Variants in CCNA1 observed in about 807,000 individuals in gnomAD.
The protein encoded by CCNA1 is cyclin A1, also known as cyclin-A1.
Under a neutral mutation model 54.1 loss-of-function variants are expected in CCNA1, and 23 were observed. The observed-to-expected ratio is 0.42, with a 90% CI of 0.31 to 0.60. The LOEUF (loss-of-function observed/expected upper bound fraction) is 0.60, where lower values mean the gene tolerates loss of function less well. Among genes scored for constraint, CCNA1 ranks in the 20% least tolerant of loss-of-function variants. The pLI is 0.14. For missense variants in CCNA1, 450 were observed against 556.7 expected, an observed-to-expected ratio of 0.81 and a Z score of 1.93; for synonymous variants, 208 against 213.9, an observed-to-expected ratio of 0.97 and a Z score of 0.24.
intron 2 of CCNA1, among the ~76,000 whole-genome samples, chr13:36,434,826 G>C (rs2055780259): frequency 9.0e-6 from 1 of 110,894 alleles, no homozygotes; most frequent in Non-Finnish European, 2.0e-5. Flanking sequence ...CATGAGAGGT[G>C]CCCCCCCCCC....
intron 2 of CCNA1, 152 bp downstream of exon 2, chr13:36,433,373 T>TCTTTCTTC (rs1566169392): frequency 1.5e-5 from 1 of 65,354 alleles, no homozygotes; most frequent in Non-Finnish European, 2.3e-5. Context: ...TGATTTATTT[T>TCTTTCTTC]CTTTCTTTCT....
At chr13:36,437,503 C>A (rs535366100) in intron 2 of CCNA1, 126 bp from the exon 3 acceptor site, 6 of 869,690 alleles carry the variant, frequency 6.9e-6, no homozygotes, top group South Asian at 3.8e-5. Context: ...AATTAAATTG[C>A]CGACATAGAT....
chr13:36,432,755 T>A (rs1232090533), intron 1 of CCNA1, 26 bp downstream of exon 1: 2 of 1,417,134 alleles, frequency 1.4e-6, no homozygotes, highest in South Asian at 1.2e-5. Flanking sequence ...TATCCCGACT[T>A]GGAGGCTTGT....
At chr13:36,436,345 G>A (rs1439375046) in intron 2 of CCNA1, among the ~76,000 whole-genome samples, 2 of 152,128 alleles carry the variant, frequency 1.3e-5, no homozygotes, top group Admixed American at 1.3e-4. Flanking sequence ...TGGCCTATAT[G>A]ACTGTCTCAC....
At chr13:36,438,956 A>G (rs2055843486) in intron 5 of CCNA1, 89 bp downstream of exon 5, 3 of 905,746 alleles carry the variant, frequency 3.3e-6, no homozygotes, top group Admixed American at 2.0e-5. Flanking sequence ...AAGAAATGCA[A>G]TGCTTGATAA....
chr13:36,433,014 G>A lies in CCNA1; in HGVS notation c.109-19G>A. The A allele has an allele frequency of 6.2e-7, 1 of 1,605,756 alleles. No homozygotes were observed. Among genetic ancestry groups the A allele is most frequent in the South Asian group, 1.1e-5 (1 of 89,786 alleles). The stretch of plus-strand genomic sequence containing the variant: ...ACGGAATCGACTAAACAGCTTGTCT[G>A]TTTCTCTTTCCCTGGTAGCAGCAGC... On this transcript the variant is annotated intron_variant, in intron 1 of 8. Coordinates refer to ENST00000255465, the MANE Select transcript of CCNA1 (RefSeq NM_003914.4).
chr13:36,432,778 C>T (rs1194944462), intron 1 of CCNA1, 49 bp downstream of exon 1: 1 of 1,246,644 alleles, frequency 8.0e-7, no homozygotes, highest in Admixed American at 1.9e-5. Context: ...GAATGTTTCT[C>T]TCCTTCCAGC....
chr13:36,432,739 G>GT lies in CCNA1; in HGVS notation c.108+13dup. 23 of 1,550,628 alleles carry GT rather than the reference G, an allele frequency of 1.5e-5. No homozygotes were observed. The highest frequency in any genetic ancestry group is 2.0e-5 in the Non-Finnish European group (22 of 1,123,914). Reference sequence around the variant, plus strand: ...AGATTTCGTCTTCCAGGTAACGTGGGTTTAGTATCCCGACTTGGAGGCTTG... The same window carrying GT: ...AGATTTCGTCTTCCAGGTAACGTGGGTTTTAGTATCCCGACTTGGAGGCTTG... On this transcript the variant is annotated intron_variant, in intron 1 of 8. Coordinates refer to ENST00000255465, the MANE Select transcript of CCNA1 (RefSeq NM_003914.4).
Position 36,441,238 on chromosome 13 carries a change from T to C in CCNA1, c.1212+7T>C. 1 of 1,520,238 alleles carries C rather than the reference T, an allele frequency of 6.6e-7. No individual in the cohort carries two copies. The highest frequency in any genetic ancestry group is 9.1e-7 in the Non-Finnish European group (1 of 1,095,368). The allele number at this position is 1,520,238 out of a possible 1,614,324, so 94.2% of individuals were successfully genotyped here. A position where few individuals can be genotyped will look rare whatever the true frequency, so the allele number is the denominator to read the frequency against. ...TGTGAACAAGCACTTTTGGGTAAGA[T>C]TCTAACTTCTTTCTAGATGAAATTC... is the stretch of plus-strand genomic sequence containing the variant. On this transcript the variant is annotated splice_region_variant and intron_variant, in intron 7 of 8. Transcript: ENST00000255465.
rs1441198707 is a variant in CCNA1 at position 36,438,167 on chromosome 13, T to G, written c.645T>G (p.Ile215Met). ...ATGTGACTGAATATGCTGAAGAAAT[T>G]TATCAGTACCTTAGGGAAGCTGAAG... Residue 215 changes from isoleucine (I) to methionine (M), a missense_variant, in exon 4 of 9, where the codon ATT becomes ATG. By Grantham distance (10) the Ile-to-Met change is conservative (BLOSUM62 1). Transcript: ENST00000255465. 5.0e-6 allele frequency: 8 copies of G among 1,613,740 alleles called. No homozygotes were observed. The highest frequency in any genetic ancestry group is 4.5e-5 in the East Asian group (2 of 44,862).
rs1017224901 is a variant in CCNA1 at position 36,432,913 on chromosome 13, T to C, written c.109-120T>C. On this transcript the variant is annotated intron_variant, in intron 1 of 8. Transcript: ENST00000255465. Reference sequence around the variant, plus strand: ...TCAGCCCCAATAATTACTGGGAAGATCAGCAATTGGTGTTAGTCCCATTGC... The same window carrying C: ...TCAGCCCCAATAATTACTGGGAAGACCAGCAATTGGTGTTAGTCCCATTGC... The C allele has an allele frequency of 2.6e-5, 27 of 1,032,510 alleles. No homozygotes were observed. The Admixed American group carries it at 4.7e-4, about 18-fold the overall frequency. The allele number at this position is 1,032,510 out of a possible 1,614,324, so 64.0% of individuals were successfully genotyped here. A position where few individuals can be genotyped will look rare whatever the true frequency, so the allele number is the denominator to read the frequency against.
At chr13:36,440,651 A>G (rs2055864569) in intron 6 of CCNA1, among the ~76,000 whole-genome samples, 1 of 152,198 alleles carries the variant, frequency 6.6e-6, no homozygotes, top group South Asian at 2.1e-4. Flanking sequence ...GATATCTGGT[A>G]TTTATGTGCT....
intron 5 of CCNA1, among the ~76,000 whole-genome samples, chr13:36,439,199 G>C (rs2055845789): frequency 6.6e-6 from 1 of 152,148 alleles, no homozygotes; most frequent in African/African-American, 2.4e-5. Context: ...AAGACAGTGT[G>C]GTTACAAAAA....
intron 2 of CCNA1, 62 bp from the exon 3 acceptor site, chr13:36,437,567 G>A: frequency 6.5e-7 from 1 of 1,548,448 alleles, no homozygotes; most frequent in East Asian, 2.2e-5. Context: ...GAGTCATGCA[G>A]GTTCACATTG....
intron 8 of CCNA1, 43 bp downstream of exon 8, chr13:36,442,347 C>A: frequency 1.3e-6 from 2 of 1,593,444 alleles, no homozygotes; most frequent in Non-Finnish European, 1.7e-6. Context: ...CTATTTAAAG[C>A]TTAATGGGTT....
intron 2 of CCNA1, among the ~76,000 whole-genome samples, chr13:36,433,665 C>T (rs1370447990): frequency 6.6e-6 from 1 of 151,278 alleles, no homozygotes; most frequent in Non-Finnish European, 1.5e-5. Context: ...CTCAGCCTCC[C>T]GAGTAGCTGG....
intron 2 of CCNA1, among the ~76,000 whole-genome samples, chr13:36,436,342 T>C (rs1213007096): frequency 2.0e-5 from 3 of 152,234 alleles, no homozygotes; most frequent in Non-Finnish European, 2.9e-5. Context: ...TCATGGCCTA[T>C]ATGACTGTCT....
intron 2 of CCNA1, among the ~76,000 whole-genome samples, chr13:36,437,334 T>C (rs2055816851): frequency 6.6e-6 from 1 of 152,218 alleles, no homozygotes; most frequent in African/African-American, 2.4e-5. Context: ...CATTTCATTT[T>C]GGAAGAGAGC....
At chr13:36,438,574 T>A in intron 4 of CCNA1, 70 bp from the exon 5 acceptor site, 2 of 1,062,642 alleles carry the variant, frequency 1.9e-6, no homozygotes, top group Non-Finnish European at 1.4e-6. Flanking sequence ...GATTTTTAAA[T>A]AGCAACTATA....
Sources: allele counts gnomAD v4.1 joint callset (sites outside exome capture counted in the v4.1 genomes callset), GRCh38; gene constraint gnomAD v4.1.1; transcripts MANE v1.5; gene names NCBI Gene and HGNC (gene_info 2026-07-23, HGNC 2026-07-21).